Variants in RGS7 observed in about 807,000 individuals in gnomAD.
The protein encoded by RGS7 is regulator of G-protein signaling 7.
A neutral mutation model predicts 81.1 loss-of-function variants in RGS7; 27 were observed. The ratio of observed to expected loss-of-function variants is 0.33; its 90% CI spans 0.25 to 0.46. The LOEUF (loss-of-function observed/expected upper bound fraction) is 0.46. RGS7 is among the 20% of genes least tolerant of loss of function. RGS7 has a pLI of 1.00. For synonymous variants in RGS7, 208 were observed against 207.7 expected, an observed-to-expected ratio of 1.00 and a Z score of -0.01; for missense variants, 396 against 607.4, an observed-to-expected ratio of 0.65 and a Z score of 3.66.
intron 3 of RGS7, among the ~76,000 whole-genome samples, chr1:241,063,112 A>G (rs1442203331): frequency 6.6e-6 from 1 of 152,248 alleles, no homozygotes; most frequent in Non-Finnish European, 1.5e-5. Flanking sequence ...GTTTGGTTGC[A>G]GAAAATAAGC....
chr1:241,088,727 G>T (rs1374409602), intron 3 of RGS7, among the ~76,000 whole-genome samples: 1 of 151,876 alleles, frequency 6.6e-6, no homozygotes, highest in Non-Finnish European at 1.5e-5. Context: ...ATCTTAATTA[G>T]TAAGAACCAT....
At chr1:241,302,897 C>CTTTTTT (rs2079858798) in intron 2 of RGS7, among the ~76,000 whole-genome samples, 1 of 150,260 alleles carries the variant, frequency 6.7e-6, no homozygotes, top group African/African-American at 2.4e-5. Flanking sequence ...TTTTTTAACA[C>CTTTTTT]CACTGTAATA....
intron 3 of RGS7, among the ~76,000 whole-genome samples, chr1:240,984,403 C>CT (rs1481117990): frequency 6.6e-6 from 1 of 152,108 alleles, no homozygotes; most frequent in Non-Finnish European, 1.5e-5. Context: ...TTACAGACTT[C>CT]TTTCAGGACT....
intron 3 of RGS7, among the ~76,000 whole-genome samples, chr1:241,007,886 C>A (rs183840951): frequency 6.6e-6 from 1 of 152,138 alleles, no homozygotes; most frequent in Non-Finnish European, 1.5e-5. Flanking sequence ...CCCAACTGTG[C>A]GGGCACATGC....
chr1:240,919,298 C>T (rs1673106684), intron 6 of RGS7, among the ~76,000 whole-genome samples: 1 of 152,062 alleles, frequency 6.6e-6, no homozygotes, highest in Admixed American at 6.6e-5. Flanking sequence ...CAGACCAATA[C>T]TTCTCATAAA....
chr1:241,106,594 T>C (rs1376007542), intron 2 of RGS7, among the ~76,000 whole-genome samples: 1 of 151,618 alleles, frequency 6.6e-6, no homozygotes, highest in Non-Finnish European at 1.5e-5. Flanking sequence ...CAGGTGCCTG[T>C]AGTCCCAGCT....
chr1:240,827,024 A>G (rs565196605), intron 10 of RGS7, 74 bp downstream of exon 10: 2 of 1,175,914 alleles, frequency 1.7e-6, no homozygotes, highest in South Asian at 1.2e-5. Context: ...ATGAGAAGAA[A>G]GTGTTTTTAT....
At chr1:241,212,581 C>T (rs984876629) in intron 2 of RGS7, among the ~76,000 whole-genome samples, 2 of 152,148 alleles carry the variant, frequency 1.3e-5, no homozygotes, top group Admixed American at 6.6e-5. Flanking sequence ...TAGCTGTCTG[C>T]ACAGGAGGGT....
chr1:241,099,252 T>G (rs1017914601), intron 2 of RGS7, among the ~76,000 whole-genome samples: 2 of 152,214 alleles, frequency 1.3e-5, no homozygotes, highest in African/African-American at 4.8e-5. Context: ...CAGGACTGAT[T>G]GCCAACTACT....
chr1:241,076,699 T>C (rs1394439803), intron 3 of RGS7, among the ~76,000 whole-genome samples: 1 of 152,224 alleles, frequency 6.6e-6, no homozygotes, highest in Non-Finnish European at 1.5e-5. Context: ...AAGAGTATTT[T>C]GTCCGTGATC....
At chr1:241,241,749 T>C (rs6668835) in intron 2 of RGS7, among the ~76,000 whole-genome samples, 103,592 of 151,876 alleles carry the variant, frequency 0.68, 35,453 homozygotes, top group African/African-American at 0.73. Context: ...TACATGTGTC[T>C]GTGCACATTA....
At chr1:240,914,646 C>T (rs546936990) in intron 6 of RGS7, among the ~76,000 whole-genome samples, 143 of 152,248 alleles carry the variant, frequency 9.4e-4, no homozygotes, top group African/African-American at 3.0e-3. Flanking sequence ...ATAAAAACAA[C>T]ATAGTCATGC....
At chr1:240,835,273 T>C (rs555183223) in intron 9 of RGS7, among the ~76,000 whole-genome samples, 1 of 152,246 alleles carries the variant, frequency 6.6e-6, no homozygotes, top group African/African-American at 2.4e-5. Flanking sequence ...AATTAACATA[T>C]GGACAGATGA....
chr1:240,977,434 G>A (rs764019044), intron 4 of RGS7, among the ~76,000 whole-genome samples: 2 of 151,986 alleles, frequency 1.3e-5, no homozygotes, highest in Admixed American at 6.6e-5. Flanking sequence ...ACACACACAC[G>A]TAAATACATA....
intron 3 of RGS7, among the ~76,000 whole-genome samples, chr1:241,081,057 C>T (rs955695219): frequency 3.3e-5 from 5 of 152,154 alleles, no homozygotes; most frequent in Non-Finnish European, 7.4e-5. Flanking sequence ...CACACTGGAG[C>T]GGTGACTTTA....
At chr1:240,837,925 T>C (rs1053834289) in intron 9 of RGS7, among the ~76,000 whole-genome samples, 5 of 152,194 alleles carry the variant, frequency 3.3e-5, no homozygotes, top group African/African-American at 1.2e-4. Flanking sequence ...AATAAGTTTG[T>C]GAAAATCATC....
chr1:240,946,487 G>A (rs1678630804), intron 4 of RGS7, among the ~76,000 whole-genome samples: 1 of 152,018 alleles, frequency 6.6e-6, no homozygotes, highest in Non-Finnish European at 1.5e-5. Context: ...CACACCTGTG[G>A]TCCCAGGTAC....
chr1:240,909,087 T>G (rs2148238158), intron 6 of RGS7, among the ~76,000 whole-genome samples: 1 of 152,350 alleles, frequency 6.6e-6, no homozygotes, highest in East Asian at 1.9e-4. Flanking sequence ...ATAATTGGGA[T>G]TCCAGTAATT....
intron 2 of RGS7, among the ~76,000 whole-genome samples, chr1:241,114,524 G>A (rs1016197047): frequency 9.2e-5 from 14 of 151,860 alleles, no homozygotes; most frequent in African/African-American, 3.4e-4. Context: ...ACATCTCACT[G>A]CATTCCCAAG....
Sources: gnomAD v4.1 joint callset for allele counts (sites outside exome capture counted in the v4.1 genomes callset) on GRCh38, gnomAD v4.1.1 for gene constraint, MANE v1.5 for transcripts, NCBI Gene and HGNC (gene_info 2026-07-23, HGNC 2026-07-21) for gene names.